Variants in SLC3A1 observed in about 807,000 individuals in gnomAD.
SLC3A1 encodes the protein solute carrier family 3 member 1.
A neutral mutation model predicts 60.3 loss-of-function variants in SLC3A1; 78 were observed. The ratio of observed to expected loss-of-function variants is 1.29; its 90% CI spans 1.08 to 1.56. The LOEUF (loss-of-function observed/expected upper bound fraction) is 1.56. Among genes scored for constraint, SLC3A1 ranks in the 40% most tolerant of loss-of-function variants. The probability of loss-of-function intolerance (pLI) is 0.00; values close to 1 mark genes in which losing one functional copy is unlikely to be tolerated. For synonymous variants in SLC3A1, 392 were observed against 307.9 expected (o/e 1.27, Z -2.86); for missense variants, 1,172 against 858.9 (o/e 1.36, Z -4.56).
At chr2:44,287,044 T>C (rs538351783) in intron 4 of SLC3A1, among the ~76,000 whole-genome samples, 4 of 152,332 alleles carry the variant, frequency 2.6e-5, no homozygotes, top group African/African-American at 9.6e-5. Context: ...ACGACACTTC[T>C]GTACTCATTG....
At chr2:44,300,918 A>G in intron 5 of SLC3A1, 85 bp from the exon 6 acceptor site, 2 of 1,548,396 alleles carry the variant, frequency 1.3e-6, no homozygotes. Context: ...GAGCCCTTTG[A>G]AGAGGTTGTC....
Position 44,280,961 on chromosome 2 carries a change from A to G in SLC3A1, c.610+66A>G, listed in dbSNP as rs546083139. ...GAGAGAAGCACTTTTTCAAATGTTT[A>G]CTTAAAGCATTTCTTCTCCTTAACT... On this transcript the variant is annotated intron_variant, in intron 2 of 9. Transcript: ENST00000260649. 2.9e-6 allele frequency: 4 copies of G among 1,367,730 alleles called. No homozygotes were observed. The South Asian group carries it at 3.5e-5, about 12-fold the overall frequency. 84.7% of individuals were successfully genotyped at this position (1,367,730 alleles called of 1,614,324 possible).
intron 6 of SLC3A1, 112 bp downstream of exon 6, chr2:44,301,239 A>T (rs1671998727): frequency 3.7e-6 from 5 of 1,336,378 alleles, no homozygotes; most frequent in Non-Finnish European, 5.3e-6. Context: ...ACAAGCCTGC[A>T]TAACTCTAAT....
chr2:44,304,665 G>A (rs534552766), intron 7 of SLC3A1, among the ~76,000 whole-genome samples: 1 of 152,306 alleles, frequency 6.6e-6, no homozygotes, highest in East Asian at 1.9e-4. Context: ...GATTTCGGGT[G>A]TAGAAGAGGT....
chr2:44,302,410 T>C lies in SLC3A1; in HGVS notation c.1136+1283T>C, dbSNP rs546738145. 4.3e-4 allele frequency among the ~76,000 whole-genome samples: 66 copies of C among 152,302 alleles called. 1 individual carries two copies. Among genetic ancestry groups the C allele is most frequent in the Non-Finnish European group, 8.8e-4 (60 of 68,020 alleles). On this transcript the variant is annotated intron_variant, in intron 6 of 9. Coordinates refer to ENST00000260649, the MANE Select transcript of SLC3A1 (RefSeq NM_000341.4). The stretch of plus-strand genomic sequence containing the variant: ...TACATAGATCACTCAACAGAATCAA[T>C]AGGAAGGAATTAAAGAAATTTCATC...
In SLC3A1 at chr2:44,303,571, A is replaced by C. The variant is rs1345315907; in HGVS notation, c.1137-572A>C. Among the ~76,000 whole-genome samples the C allele has an allele frequency of 2.7e-5, 4 of 150,020 alleles. No individual in the cohort carries two copies. The East Asian group carries it at 7.8e-4, about 29-fold the overall frequency. ...GTTTCATTTTTTTTGGGGGGGGTGGATTTTTCTGCCTTATTTTTTATTATT... is the reference window on the plus strand; with the variant it reads ...GTTTCATTTTTTTTGGGGGGGGTGGCTTTTTCTGCCTTATTTTTTATTATT... On this transcript the variant is annotated intron_variant, in intron 6 of 9. Coordinates refer to ENST00000260649, the MANE Select transcript of SLC3A1 (RefSeq NM_000341.4).
At chr2:44,322,091 A>G (rs575074975), downstream of SLC3A1, among the ~76,000 whole-genome samples, 4 of 152,278 alleles carry the variant, frequency 2.6e-5, no homozygotes, top group Middle Eastern at 0.01. Flanking sequence ...TGACACAGCG[A>G]AAGCAGGAAG....
At chr2:44,310,231 C>G (rs972915541) in intron 7 of SLC3A1, among the ~76,000 whole-genome samples, 1 of 152,130 alleles carries the variant, frequency 6.6e-6, no homozygotes, top group African/African-American at 2.4e-5. Flanking sequence ...GAGGAACTAC[C>G]AAACTGTTTT....
intron 7 of SLC3A1, 106 bp from the exon 8 acceptor site, chr2:44,312,480 A>G (rs1410374675): frequency 8.3e-7 from 1 of 1,199,312 alleles, no homozygotes; most frequent in Non-Finnish European, 1.2e-6. Context: ...GTACCAAGGT[A>G]CCACATCTAC....
At chr2:44,302,269 T>C (rs1672031852) in intron 6 of SLC3A1, among the ~76,000 whole-genome samples, 1 of 152,112 alleles carries the variant, frequency 6.6e-6, no homozygotes, top group Non-Finnish European at 1.5e-5. Context: ...GTCTCATCAA[T>C]AAAAAAGTGA....
rs1295337081 is a variant in SLC3A1, at chr2:44,280,769, A to G, written c.484A>G (p.Ile162Val). Residue 162 changes from isoleucine (I) to valine (V), a missense_variant, in exon 2 of 10, where the codon ATT (isoleucine) becomes GTT (valine). By Grantham distance (29) the Ile-to-Val change is conservative. Coordinates refer to ENST00000260649, the MANE Select transcript of SLC3A1 (RefSeq NM_000341.4). Reference protein sequence around the residue: ...ITALNIKTVWITSFYKSSLKD... With the variant: ...ITALNIKTVWVTSFYKSSLKD... ...AGCTTTAAATATAAAAACTGTTTGG[A>G]TTACTTCATTTTATAAATCGTCCCT... 3 of 1,611,588 alleles carry G rather than the reference A, an allele frequency of 1.9e-6. No individual in the cohort carries two copies. The highest frequency in any genetic ancestry group is 2.5e-6 in the Non-Finnish European group (3 of 1,177,820).
chr2:44,317,201 G>A (rs6735877), intron 9 of SLC3A1, among the ~76,000 whole-genome samples: 1,979 of 152,224 alleles, frequency 0.013, 20 homozygotes, highest in Middle Eastern at 0.034. Flanking sequence ...GGTGGCTCAC[G>A]CCTATAATCC....
chr2:44,298,625 G>C (rs1393757575), intron 4 of SLC3A1, among the ~76,000 whole-genome samples: 1 of 152,166 alleles, frequency 6.6e-6, no homozygotes, highest in Non-Finnish European at 1.5e-5. Flanking sequence ...TGATCCACTT[G>C]CCTCGGCCTC....
intron 7 of SLC3A1, among the ~76,000 whole-genome samples, chr2:44,311,181 G>C (rs546848406): frequency 6.6e-6 from 1 of 152,098 alleles, no homozygotes; most frequent in East Asian, 1.9e-4. Context: ...GTTCAAATTT[G>C]TCAAGTCCCT....
chr2:44,298,907 T>G (rs1462588383), intron 4 of SLC3A1, among the ~76,000 whole-genome samples: 1 of 152,128 alleles, frequency 6.6e-6, no homozygotes, highest in Non-Finnish European at 1.5e-5. Flanking sequence ...GCACACACCT[T>G]TGGAAGAAAG....
intron 5 of SLC3A1, among the ~76,000 whole-genome samples, chr2:44,300,313 C>T (rs192362187): frequency 5.4e-4 from 82 of 152,228 alleles, no homozygotes; most frequent in African/African-American, 1.9e-3. Flanking sequence ...CTTGAGGAGT[C>T]CTTCAGTGAC....
At position 44,280,431 on chromosome 2, in the gene SLC3A1, G is replaced by T. The variant is rs554905704; in HGVS notation, c.431-285G>T. 2.0e-5 allele frequency among the ~76,000 whole-genome samples: 3 copies of T among 152,026 alleles called. No homozygotes were observed. In the South Asian group the frequency reaches 6.2e-4, roughly 32 times the overall value. On this transcript the variant is annotated intron_variant, in intron 1 of 9. Transcript: ENST00000260649. ...TTTTTGTATTTTTAATAGAGACGGG[G>T]TTTTGTCATGTTGGCCAGGATGGTC... is the stretch of plus-strand genomic sequence containing the variant.
chr2:44,321,786 A>G, downstream of SLC3A1: 1 of 1,613,780 alleles, frequency 6.2e-7, no homozygotes, highest in South Asian at 1.1e-5. Flanking sequence ...ACATGTATCT[A>G]GTTCGGGAAT....
chr2:44,299,906 TTTGATTAAACG>T, intron 4 of SLC3A1, 54 bp from the exon 5 acceptor site: 1 of 1,568,980 alleles, frequency 6.4e-7, no homozygotes, highest in Non-Finnish European at 8.8e-7. Flanking sequence ...CAGTCAAAAC[TTTGATTAAACG>T]TTGTGATAAT....
Sources: allele counts gnomAD v4.1 joint callset (sites outside exome capture counted in the v4.1 genomes callset), GRCh38; gene constraint gnomAD v4.1.1; transcripts MANE v1.5; gene names NCBI Gene and HGNC (gene_info 2026-07-23, HGNC 2026-07-21).